The following FAM114A2 variants were observed in gnomAD, a reference collection of about 807,000 sequenced individuals.
The protein encoded by FAM114A2 is family with sequence similarity 114 member A2.
A neutral mutation model predicts 58.4 loss-of-function variants in FAM114A2; 53 were observed. The observed-to-expected ratio is 0.91, with a 90% CI of 0.73 to 1.14. FAM114A2 has a LOEUF of 1.14. Ranked by LOEUF, FAM114A2 falls within the 50% of genes most tolerant of loss-of-function variation. FAM114A2 has a pLI of 0.00. For synonymous variants in FAM114A2, 228 were observed against 211.4 expected (o/e 1.08, Z -0.68); for missense variants, 601 against 581.1 (o/e 1.03, Z -0.35).
At chr5:153,995,903 T>C (rs1320786782) in intron 12 of FAM114A2, among the ~76,000 whole-genome samples, 1 of 152,208 alleles carries the variant, frequency 6.6e-6, no homozygotes. Context: ...AGAGTTGCTC[T>C]TTAAAACCAG....
chr5:153,994,238 A>T (rs556941840), intron 13 of FAM114A2, among the ~76,000 whole-genome samples: 1 of 152,342 alleles, frequency 6.6e-6, no homozygotes, highest in Middle Eastern at 3.4e-3. Flanking sequence ...TTCAATTAAC[A>T]TCTAAAACTT....
At chr5:154,005,788 C>T (rs1770312226) in intron 9 of FAM114A2, among the ~76,000 whole-genome samples, 2 of 152,188 alleles carry the variant, frequency 1.3e-5, no homozygotes, top group Admixed American at 1.3e-4. Context: ...AGTTTATTAA[C>T]TTTACATACA....
chr5:154,009,822 A>C (rs1183476074), intron 9 of FAM114A2, among the ~76,000 whole-genome samples: 2 of 152,220 alleles, frequency 1.3e-5, no homozygotes, highest in African/African-American at 2.4e-5. Flanking sequence ...ACAAAAAAAG[A>C]CTGAAGAACT....
chr5:154,015,563 G>C (rs559677168), intron 8 of FAM114A2, among the ~76,000 whole-genome samples: 1 of 152,212 alleles, frequency 6.6e-6, no homozygotes, highest in East Asian at 1.9e-4. Flanking sequence ...ACATCCTTAG[G>C]AAAAGGGGGA....
intron 1 of FAM114A2, chr5:154,036,932 G>A (rs1415468508): frequency 6.6e-6 from 1 of 152,194 alleles, no homozygotes; most frequent in Non-Finnish European, 1.5e-5. Flanking sequence ...ATTCAACTCT[G>A]TAATAACTAG....
chr5:154,017,918 G>A (rs1184856616), intron 8 of FAM114A2, among the ~76,000 whole-genome samples: 2 of 152,148 alleles, frequency 1.3e-5, no homozygotes, highest in African/African-American at 2.4e-5. Flanking sequence ...CTGGGATACT[G>A]CTAGGAGGAA....
intron 7 of FAM114A2, among the ~76,000 whole-genome samples, chr5:154,026,906 C>T (rs898925849): frequency 1.4e-5 from 2 of 146,910 alleles, no homozygotes; most frequent in Non-Finnish European, 3.0e-5. Flanking sequence ...AAGACCAAAA[C>T]GAAGGAAAAA....
chr5:154,019,050 C>A (rs1771229607), intron 8 of FAM114A2, among the ~76,000 whole-genome samples: 1 of 152,088 alleles, frequency 6.6e-6, no homozygotes, highest in African/African-American at 2.4e-5. Context: ...TACTGGAAGT[C>A]CTAGCCAGAG....
chr5:154,032,712 T>C (rs1304158970), intron 4 of FAM114A2, among the ~76,000 whole-genome samples: 1 of 152,186 alleles, frequency 6.6e-6, no homozygotes, highest in East Asian at 1.9e-4. Context: ...ACTTTGAGCA[T>C]GGTTATTTTA....
intron 4 of FAM114A2, 104 bp downstream of exon 4, chr5:154,033,687 C>A: frequency 5.9e-6 from 4 of 681,950 alleles, no homozygotes; most frequent in Admixed American, 5.5e-5. Flanking sequence ...TACAGTCCCA[C>A]GATGCCCTGA....
intron 1 of FAM114A2, among the ~76,000 whole-genome samples, chr5:154,035,876 C>T (rs921258958): frequency 1.3e-5 from 2 of 152,274 alleles, no homozygotes; most frequent in East Asian, 3.9e-4. Flanking sequence ...TTTATTTGAG[C>T]CATTCTGACA....
At chr5:154,005,539 C>G (rs1188187642) in intron 9 of FAM114A2, among the ~76,000 whole-genome samples, 1 of 152,038 alleles carries the variant, frequency 6.6e-6, no homozygotes, top group Non-Finnish European at 1.5e-5. Flanking sequence ...AAAAGCTTCC[C>G]TAAGAATGAA....
intron 12 of FAM114A2, among the ~76,000 whole-genome samples, 171 bp downstream of exon 12, chr5:153,997,632 G>C (rs983123808): frequency 6.6e-6 from 1 of 152,170 alleles, no homozygotes; most frequent in Non-Finnish European, 1.5e-5. Context: ...TTTGGGGAAG[G>C]CTGATGAAAA....
intron 10 of FAM114A2, among the ~76,000 whole-genome samples, chr5:154,002,620 G>A (rs1053019556): frequency 2.0e-5 from 3 of 152,166 alleles, no homozygotes; most frequent in Admixed American, 6.5e-5. Flanking sequence ...CAAGTGTCAG[G>A]CAGCAGTTTC....
chr5:153,997,426 T>G (rs1769644228), intron 12 of FAM114A2, among the ~76,000 whole-genome samples: 1 of 152,212 alleles, frequency 6.6e-6, no homozygotes, highest in African/African-American at 2.4e-5. Flanking sequence ...TAAAAAGTAT[T>G]AATACATGCT....
chr5:154,001,968 C>T (rs1290131608), intron 11 of FAM114A2, among the ~76,000 whole-genome samples: 1 of 152,146 alleles, frequency 6.6e-6, no homozygotes, highest in African/African-American at 2.4e-5. Flanking sequence ...GTTCTTAGAA[C>T]TCTTCTCTGT....
At chr5:154,016,362 C>T (rs1240452411) in intron 8 of FAM114A2, among the ~76,000 whole-genome samples, 5 of 152,114 alleles carry the variant, frequency 3.3e-5, no homozygotes, top group Non-Finnish European at 7.4e-5. Context: ...AGCTGTGATA[C>T]AGAAGCACCA....
At chr5:154,004,748 C>T (rs1218285577) in intron 9 of FAM114A2, among the ~76,000 whole-genome samples, 1 of 151,994 alleles carries the variant, frequency 6.6e-6, no homozygotes, top group African/African-American at 2.4e-5. Context: ...TCCCTATTAC[C>T]ACTACTTGAG....
chr5:154,032,435 G>C (rs1032021419), intron 4 of FAM114A2, among the ~76,000 whole-genome samples: 1 of 152,150 alleles, frequency 6.6e-6, no homozygotes, highest in Non-Finnish European at 1.5e-5. Flanking sequence ...TCAGTGTCAT[G>C]AAGATGCTGC....
Sources: allele counts gnomAD v4.1 joint callset (sites outside exome capture counted in the v4.1 genomes callset), GRCh38; gene constraint gnomAD v4.1.1; transcripts MANE v1.5; gene names NCBI Gene and HGNC (gene_info 2026-07-23, HGNC 2026-07-21).